Variants in ADGRE2 observed in about 807,000 individuals in gnomAD.
ADGRE2 encodes CD97 antigen.
A neutral mutation model predicts 100.8 loss-of-function variants in ADGRE2; 83 were observed. The observed-to-expected ratio is 0.82, with a 90% confidence interval of 0.69 to 0.99. The LOEUF (loss-of-function observed/expected upper bound fraction) is 0.99, where lower values mean the gene tolerates loss of function less well. ADGRE2 is among the 50% of genes least tolerant of loss of function. The pLI is 0.00. For missense variants in ADGRE2, 814 were observed against 1,035.7 expected, an observed-to-expected ratio of 0.79 and a Z score of 2.94; for synonymous variants, 355 against 413.0, an observed-to-expected ratio of 0.86 and a Z score of 1.70.
At chr19:14,729,340 G>A (rs1405767922), downstream of ADGRE2, among the ~76,000 whole-genome samples, 1 of 151,952 alleles carries the variant, frequency 6.6e-6, no homozygotes, top group Admixed American at 6.6e-5. Flanking sequence ...GGGTTGGGGA[G>A]ATGTTGGTCA....
intron 11 of ADGRE2, among the ~76,000 whole-genome samples, chr19:14,758,897 A>AAAAAAAG (rs2043598360): frequency 6.7e-6 from 1 of 149,104 alleles, no homozygotes; most frequent in South Asian, 2.1e-4. Context: ...AAAAAAAAAA[A>AAAAAAAG]GGAAAAAGAG....
At chr19:14,727,778 C>G (rs2042643067), downstream of ADGRE2, among the ~76,000 whole-genome samples, 1 of 152,112 alleles carries the variant, frequency 6.6e-6, no homozygotes, top group Non-Finnish European at 1.5e-5. Context: ...TTCCTTTAAT[C>G]CCATTTAATG....
At chr19:14,728,285 T>C (rs2042646539), downstream of ADGRE2, among the ~76,000 whole-genome samples, 1 of 152,216 alleles carries the variant, frequency 6.6e-6, no homozygotes, top group South Asian at 2.1e-4. Context: ...CATGAGATAA[T>C]TCTTCGAATA....
intron 18 of ADGRE2, among the ~76,000 whole-genome samples, chr19:14,744,544 C>G (rs902247684): frequency 2.0e-5 from 3 of 151,996 alleles, no homozygotes; most frequent in Non-Finnish European, 4.4e-5. Flanking sequence ...CAACCTCTGC[C>G]TCCCAGGTGA....
At chr19:14,763,179 T>G (rs1382377743) in intron 11 of ADGRE2, among the ~76,000 whole-genome samples, 1 of 151,874 alleles carries the variant, frequency 6.6e-6, no homozygotes, top group African/African-American at 2.4e-5. Context: ...CCGTCTCTAC[T>G]AAAAATACAA....
chr19:14,761,056 T>C (rs1465392247), intron 11 of ADGRE2, among the ~76,000 whole-genome samples: 2 of 152,202 alleles, frequency 1.3e-5, no homozygotes, highest in Admixed American at 1.3e-4. Flanking sequence ...ACTGAACCAA[T>C]GTATAGCTTA....
chr19:14,774,286 G>A lies in ADGRE2; in HGVS notation c.52C>T (p.Leu18=), dbSNP rs772958515. 3 of 1,585,220 alleles carry A rather than the reference G, an allele frequency of 1.9e-6. No individual in the cohort carries two copies. In the Admixed American group the frequency reaches 5.3e-5, roughly 28 times the overall value. The part of the protein sequence containing the change: ...VFLAFCVWLT[L]PGAETQDSRG... ...GAGTCCTGGGTTTCAGCTCCCGGCA[G>A]AGTCAGCCAGACACAGAATGCTGCA... is the stretch of plus-strand genomic sequence containing the variant. The change falls in exon 3 of 21, where the codon CTG becomes TTG. Residue 18 remains leucine (L), a synonymous_variant. Transcript: ENST00000315576.
At chr19:14,740,311 T>C (rs2042890444) in intron 20 of ADGRE2, among the ~76,000 whole-genome samples, 1 of 151,306 alleles carries the variant, frequency 6.6e-6, no homozygotes, top group African/African-American at 2.4e-5. Context: ...GAAACAGGGA[T>C]TGTGCAGGTT....
At position 14,765,014 on chromosome 19, in the gene ADGRE2, TA is replaced by T. The variant is rs200000323; in HGVS notation, c.906+305del. Among the ~76,000 whole-genome samples, 36 of 149,476 alleles carry T rather than the reference TA, an allele frequency of 2.4e-4. 1 individual carries two copies. The South Asian group carries it at 3.2e-3, about 13-fold the overall frequency. ...ACTGGCGACAGAGTGAGACTCCGTCTAAAAAAAAAATGACATTGGATGGGAT... is the reference window on the plus strand; with the variant it reads ...ACTGGCGACAGAGTGAGACTCCGTCTAAAAAAAAATGACATTGGATGGGAT... On this transcript the variant is annotated intron_variant, in intron 10 of 20. Coordinates refer to ENST00000315576, the MANE Select transcript of ADGRE2 (RefSeq NM_013447.4).
downstream of ADGRE2, chr19:14,731,257 A>C: frequency 7.1e-7 from 1 of 1,416,332 alleles, no homozygotes; most frequent in African/African-American, 1.4e-5. Context: ...CTGGATATCA[A>C]AGGATCACTA....
intron 11 of ADGRE2, among the ~76,000 whole-genome samples, chr19:14,761,775 G>A (rs962476560): frequency 1.3e-5 from 2 of 152,100 alleles, no homozygotes; most frequent in Non-Finnish European, 2.9e-5. Context: ...AATAAGATTA[G>A]GGTGGGGCAG....
intron 11 of ADGRE2, among the ~76,000 whole-genome samples, chr19:14,763,693 C>T (rs939331401): frequency 4.6e-5 from 6 of 129,552 alleles, no homozygotes; most frequent in African/African-American, 5.9e-5. Context: ...TTCTCCTCCT[C>T]TTCTCCTTCT....
At chr19:14,761,161 T>C (rs766126588) in intron 11 of ADGRE2, among the ~76,000 whole-genome samples, 16 of 152,178 alleles carry the variant, frequency 1.1e-4, no homozygotes, top group Non-Finnish European at 2.2e-4. Context: ...CCCAGCACTT[T>C]GGGAGGCCGA....
chr19:14,756,016 A>G lies in ADGRE2; in HGVS notation c.1193-139T>C, dbSNP rs150121974. On this transcript the variant is annotated intron_variant, in intron 12 of 20. Transcript: ENST00000315576. ...TTCACCCCTCCCACACTTTCCTTCA[A>G]TCTTTAGTTCTATGTGTATCACATC... 65 of 781,840 alleles carry G rather than the reference A, an allele frequency of 8.3e-5. No homozygotes were observed. In the East Asian group the frequency reaches 1.6e-3, roughly 19 times the overall value. 48.4% of individuals were successfully genotyped at this position (781,840 alleles called of 1,614,324 possible). A position where few individuals can be genotyped will look rare whatever the true frequency, so the allele number is the denominator to read the frequency against.
intron 11 of ADGRE2, among the ~76,000 whole-genome samples, chr19:14,761,757 AT>A (rs1275705792): frequency 6.6e-6 from 1 of 151,840 alleles, no homozygotes; most frequent in Non-Finnish European, 1.5e-5. Context: ...CGAAGACTCC[AT>A]TTGCATAATA....
At chr19:14,757,527 T>C (rs1303101055) in intron 11 of ADGRE2, among the ~76,000 whole-genome samples, 4 of 152,162 alleles carry the variant, frequency 2.6e-5, no homozygotes, top group Admixed American at 2.6e-4. Context: ...AGAATAGAAT[T>C]GAGAGTCCAG....
intron 20 of ADGRE2, chr19:14,741,472 C>CTTTTTT (rs56228507): frequency 7.8e-5 from 6 of 77,302 alleles, no homozygotes; most frequent in Non-Finnish European, 1.4e-4. Context: ...CTGTACATTT[C>CTTTTTT]TTTTTTTTTT....
At chr19:14,736,735 AAT>A (rs199946316) in intron 20 of ADGRE2, among the ~76,000 whole-genome samples, 3 of 129,206 alleles carry the variant, frequency 2.3e-5, no homozygotes, top group Admixed American at 2.2e-4. Flanking sequence ...GATATTTAGA[AAT>A]ATAGATATTT....
chr19:14,726,811 G>A, the ADGRE2 span, among the ~76,000 whole-genome samples: 1 of 152,086 alleles, frequency 6.6e-6, no homozygotes, highest in South Asian at 2.1e-4. Context: ...ATCTCTACCA[G>A]TATTTTGGTC....
Sources: allele counts gnomAD v4.1 joint callset (sites outside exome capture counted in the v4.1 genomes callset), GRCh38; gene constraint gnomAD v4.1.1; transcripts MANE v1.5; gene names NCBI Gene and HGNC (gene_info 2026-07-23, HGNC 2026-07-21).